Variants in MAGI1 observed in about 807,000 individuals in gnomAD.
MAGI1 encodes the protein membrane-associated guanylate kinase, WW and PDZ domain-containing protein 1.
A neutral mutation model predicts 139.9 loss-of-function variants in MAGI1; 58 were observed. The observed-to-expected ratio is 0.41, with a 90% CI of 0.34 to 0.52. The LOEUF (loss-of-function observed/expected upper bound fraction) is 0.52. Ranked by LOEUF, MAGI1 falls within the 20% of genes least tolerant of loss-of-function variation. The pLI is 0.12. For synonymous variants in MAGI1, 812 were observed against 737.9 expected (o/e 1.10, Z -1.63); for missense variants, 1,874 against 1,901.6 (o/e 0.99, Z 0.27).
chr3:65,800,224 T>C (rs1693156877), intron 1 of MAGI1, among the ~76,000 whole-genome samples: 2 of 152,216 alleles, frequency 1.3e-5, no homozygotes, highest in Non-Finnish European at 2.9e-5. Flanking sequence ...TAGTAAGTGC[T>C]AATCCTGATC....
chr3:65,880,908 CGTGTGTGT>C (rs11271375), intron 1 of MAGI1, among the ~76,000 whole-genome samples: 15 of 145,580 alleles, frequency 1.0e-4, no homozygotes, highest in Non-Finnish European at 2.1e-4. Flanking sequence ...ATATCTCTGG[CGTGTGTGT>C]GTGTGTGTGT....
At chr3:65,926,137 T>C (rs1456820246) in intron 1 of MAGI1, among the ~76,000 whole-genome samples, 4 of 152,242 alleles carry the variant, frequency 2.6e-5, no homozygotes, top group Non-Finnish European at 4.4e-5. Flanking sequence ...TGTTATTTAG[T>C]ATTTCTTTAA....
intron 2 of MAGI1, among the ~76,000 whole-genome samples, chr3:65,504,663 G>A (rs1196330430): frequency 6.6e-6 from 1 of 152,090 alleles, no homozygotes; most frequent in African/African-American, 2.4e-5. Flanking sequence ...AACATAGCAG[G>A]GAGCTGATGG....
intron 1 of MAGI1, among the ~76,000 whole-genome samples, chr3:65,622,883 T>TA (rs1256771314): frequency 3.9e-5 from 6 of 152,130 alleles, no homozygotes; most frequent in Non-Finnish European, 7.3e-5. Context: ...TAGCTTTTTT[T>TA]ATGACGGTAA....
chr3:65,882,928 C>T lies in MAGI1; in HGVS notation c.313+155068G>A, dbSNP rs370009290. On this transcript the variant is annotated intron_variant, in intron 1 of 22. Coordinates refer to ENST00000402939, the MANE Select transcript of MAGI1 (RefSeq NM_001033057.2). ...TCAGCCTGGGCAACAGAGCAAGACC[C>T]TGTCTCAAAAAAAAAAAAAAAAAGG... Among the ~76,000 whole-genome samples, 5 of 132,270 alleles carry T rather than the reference C, an allele frequency of 3.8e-5. No individual in the cohort carries two copies. In the East Asian group the frequency reaches 6.4e-4, roughly 17 times the overall value. 86.8% of individuals were successfully genotyped at this position (132,270 alleles called of 152,430 possible). A position where few individuals can be genotyped will look rare whatever the true frequency, so the allele number is the denominator to read the frequency against.
At position 65,357,105 on chromosome 3, in the gene MAGI1, G is replaced by A. The variant is rs765830224; in HGVS notation, c.3662C>T (p.Ala1221Val). ...YDPSSDRHGP[A>V]TGPQGVPEVR... ...TTCCGGAACACCTTGTGGACCGGTG[G>A]CGGGGCCGTGGCGGTCGCTGCTGGG... is the stretch of plus-strand genomic sequence containing the variant. Residue 1221 changes from alanine (A) to valine (V), a missense_variant, in exon 23 of 23, where the codon GCC becomes GTC. Physicochemically the swap from Ala to Val is moderately conservative, Grantham distance 64. Transcript: ENST00000402939. 3 of 1,612,930 alleles carry A rather than the reference G, an allele frequency of 1.9e-6. No individual in the cohort carries two copies. The East Asian group carries it at 6.7e-5, about 36-fold the overall frequency.
rs770904475 is a variant in MAGI1 at position 65,470,507 on chromosome 3, G to A, written c.758-23C>T. ...CGGCTGCTTAATCATGTGAAGAGGTGAGAGAGAGAGAGAGAGAAAAAAAAA... is the reference window on the plus strand; with the variant it reads ...CGGCTGCTTAATCATGTGAAGAGGTAAGAGAGAGAGAGAGAGAAAAAAAAA... On this transcript the variant is annotated intron_variant, in intron 4 of 22. Coordinates refer to ENST00000402939, the MANE Select transcript of MAGI1 (RefSeq NM_001033057.2). 36 of 1,137,694 alleles carry A rather than the reference G, an allele frequency of 3.2e-5. No homozygotes were observed. The Admixed American group carries it at 9.0e-4, about 29-fold the overall frequency. 70.5% of individuals were successfully genotyped at this position (1,137,694 alleles called of 1,614,324 possible).
intron 1 of MAGI1, among the ~76,000 whole-genome samples, chr3:65,814,403 C>G (rs1428100518): frequency 6.6e-6 from 1 of 152,106 alleles, no homozygotes; most frequent in Non-Finnish European, 1.5e-5. Flanking sequence ...TTCACATTTA[C>G]CAGTATTTAT....
intron 2 of MAGI1, among the ~76,000 whole-genome samples, chr3:65,556,017 T>C (rs945398586): frequency 2.0e-5 from 3 of 152,202 alleles, no homozygotes; most frequent in Admixed American, 6.5e-5. Flanking sequence ...GCTTGATTCT[T>C]TGACAAATAA....
At chr3:65,462,682 G>T (rs1949889257) in intron 5 of MAGI1, among the ~76,000 whole-genome samples, 1 of 152,144 alleles carries the variant, frequency 6.6e-6, no homozygotes, top group African/African-American at 2.4e-5. Flanking sequence ...GATGGGGATA[G>T]CATTGAATCT....
At chr3:65,919,509 C>T (rs2062067383) in intron 1 of MAGI1, among the ~76,000 whole-genome samples, 2 of 151,812 alleles carry the variant, frequency 1.3e-5, no homozygotes, top group Admixed American at 1.3e-4. Flanking sequence ...CTGTAGTGAG[C>T]TACAGTTGTG....
intron 1 of MAGI1, among the ~76,000 whole-genome samples, chr3:65,673,648 G>C (rs2086999747): frequency 1.3e-5 from 2 of 152,176 alleles, no homozygotes; most frequent in South Asian, 4.2e-4. Flanking sequence ...GATCTCTAAG[G>C]GTGCTTCCAG....
At chr3:65,528,472 C>T (rs1381896603) in intron 2 of MAGI1, among the ~76,000 whole-genome samples, 1 of 152,102 alleles carries the variant, frequency 6.6e-6, no homozygotes, top group Non-Finnish European at 1.5e-5. Flanking sequence ...GTGTCTGTCC[C>T]CATGGAGTGG....
chr3:65,679,599 G>C (rs146653053), intron 1 of MAGI1, among the ~76,000 whole-genome samples: 37 of 152,170 alleles, frequency 2.4e-4, no homozygotes, highest in Admixed American at 9.2e-4. Context: ...GGAAAGAAAG[G>C]CTATCAAGAA....
chr3:65,463,558 ATGTGTGTGTG>A (rs56135171), intron 5 of MAGI1, among the ~76,000 whole-genome samples: 8,168 of 140,736 alleles, frequency 0.058, 298 homozygotes, highest in African/African-American at 0.1. Context: ...TTGGCCTGAA[ATGTGTGTGTG>A]TGTGTGTGTG....
intron 2 of MAGI1, among the ~76,000 whole-genome samples, chr3:65,495,394 G>A (rs185264798): frequency 1.3e-5 from 2 of 151,934 alleles, no homozygotes; most frequent in Admixed American, 6.6e-5. Flanking sequence ...GAATCTTACC[G>A]TTCAAATCCC....
At chr3:65,837,114 A>C (rs2042854068) in intron 1 of MAGI1, among the ~76,000 whole-genome samples, 1 of 151,524 alleles carries the variant, frequency 6.6e-6, no homozygotes, top group South Asian at 2.1e-4. Context: ...TCTTCAATGC[A>C]AAAAAAATAA....
intron 1 of MAGI1, among the ~76,000 whole-genome samples, chr3:65,822,410 C>A (rs916719092): frequency 6.6e-6 from 1 of 152,032 alleles, no homozygotes; most frequent in African/African-American, 2.4e-5. Context: ...TGCCTGTAAT[C>A]CCAGCTACTC....
intron 2 of MAGI1, among the ~76,000 whole-genome samples, chr3:65,547,616 C>T (rs2079565692): frequency 6.6e-6 from 1 of 152,086 alleles, no homozygotes; most frequent in Non-Finnish European, 1.5e-5. Flanking sequence ...CTCTGGAGGG[C>T]TACTGCCTAG....
Sources: gnomAD v4.1 joint callset for allele counts (sites outside exome capture counted in the v4.1 genomes callset) on GRCh38, gnomAD v4.1.1 for gene constraint, MANE v1.5 for transcripts, NCBI Gene and HGNC (gene_info 2026-07-23, HGNC 2026-07-21) for gene names.